The following CPXM2 variants were observed in gnomAD, a reference collection of about 807,000 sequenced individuals.
The protein encoded by CPXM2 is inactive carboxypeptidase-like protein X2.
In CPXM2, 66 loss-of-function variants were observed where a neutral mutation model predicts 86.1. The ratio of observed to expected loss-of-function variants is 0.77; its 90% CI spans 0.63 to 0.94. The LOEUF (loss-of-function observed/expected upper bound fraction) is 0.94, where lower values mean the gene tolerates loss of function less well. Ranked by LOEUF, CPXM2 falls within the 40% of genes least tolerant of loss-of-function variation. The pLI, the probability that CPXM2 is intolerant of heterozygous loss-of-function variation, is 0.00. For missense variants in CPXM2, 948 were observed against 1,026.3 expected, an observed-to-expected ratio of 0.92 and a Z score of 1.04; for synonymous variants, 388 against 400.2, an observed-to-expected ratio of 0.97 and a Z score of 0.36.
At chr10:123,769,034 A>G (rs1206707013) in intron 8 of CPXM2, among the ~76,000 whole-genome samples, 1 of 152,232 alleles carries the variant, frequency 6.6e-6, no homozygotes, top group Non-Finnish European at 1.5e-5. Context: ...AGTTGAGCAC[A>G]AGCCGTAGCA....
intron 4 of CPXM2, among the ~76,000 whole-genome samples, chr10:123,806,752 G>C (rs528942407): frequency 4.7e-4 from 71 of 152,202 alleles, no homozygotes; most frequent in Middle Eastern, 6.8e-3. Context: ...GAGACAGAGA[G>C]AGAGTACAGG....
intron 10 of CPXM2, among the ~76,000 whole-genome samples, chr10:123,763,615 C>T (rs898846107): frequency 6.7e-6 from 1 of 150,044 alleles, no homozygotes; most frequent in Non-Finnish European, 1.5e-5. Flanking sequence ...TTTCTTTTTT[C>T]CTCCCACTTA....
At chr10:123,934,287 C>G (rs1289612951) in intron 2 of CPXM2, among the ~76,000 whole-genome samples, 1 of 152,178 alleles carries the variant, frequency 6.6e-6, no homozygotes, top group Non-Finnish European at 1.5e-5. Flanking sequence ...AGCCAGGAGT[C>G]TGAAATGGCG....
chr10:123,787,996 C>G (rs1847107002), intron 6 of CPXM2, among the ~76,000 whole-genome samples: 1 of 152,048 alleles, frequency 6.6e-6, no homozygotes, highest in Non-Finnish European at 1.5e-5. Context: ...AATGCAAATA[C>G]AGGCTGAGAG....
intron 2 of CPXM2, among the ~76,000 whole-genome samples, chr10:123,908,049 AC>A (rs1238485454): frequency 6.6e-6 from 1 of 152,110 alleles, no homozygotes; most frequent in African/African-American, 2.4e-5. Context: ...TGTGACAAGG[AC>A]CATATTCAGG....
At position 123,747,034 on chromosome 10, in the gene CPXM2, CA is replaced by C; in HGVS notation, c.2018-18del. On this transcript the variant is annotated intron_variant, in intron 13 of 13. Coordinates refer to ENST00000241305, the MANE Select transcript of CPXM2 (RefSeq NM_198148.3). ...CATCGTTGGCTGTGAAAAAGAAAACCAGGGGAGACTCAGAGCAGCTCTTGCT... is the reference window on the plus strand; with the variant it reads ...CATCGTTGGCTGTGAAAAAGAAAACCGGGGAGACTCAGAGCAGCTCTTGCT... 6.2e-7 allele frequency: 1 copy of C among 1,612,850 alleles called. No individual in the cohort carries two copies. Among genetic ancestry groups the C allele is most frequent in the Non-Finnish European group, 8.5e-7 (1 of 1,179,336 alleles).
intron 2 of CPXM2, among the ~76,000 whole-genome samples, chr10:123,863,709 C>A (rs547503740): frequency 6.6e-6 from 1 of 152,290 alleles, no homozygotes; most frequent in East Asian, 1.9e-4. Flanking sequence ...CCTCATAGAA[C>A]CTTCTCATGC....
rs528171326 is a variant in CPXM2 at position 123,803,246 on chromosome 10, T to G, written c.654-4047A>C. Among the ~76,000 whole-genome samples the G allele has an allele frequency of 4.8e-5, 7 of 147,070 alleles. No homozygotes were observed. In the South Asian group the frequency reaches 1.6e-3, roughly 33 times the overall value. On this transcript the variant is annotated intron_variant, in intron 4 of 13. Transcript: ENST00000241305. ...TCCCAAGTGGCTGGGACTACAGGCA[T>G]GCACCACCATACCCAGCTAATCTTT...
intron 4 of CPXM2, among the ~76,000 whole-genome samples, chr10:123,814,814 A>C (rs1465972697): frequency 1.3e-5 from 2 of 152,192 alleles, no homozygotes; most frequent in East Asian, 3.9e-4. Flanking sequence ...ACCTGAGGTC[A>C]GGAGTTCAAG....
intron 1 of CPXM2, among the ~76,000 whole-genome samples, chr10:123,884,307 C>T (rs762050273): frequency 2.3e-4 from 35 of 152,328 alleles, no homozygotes; most frequent in Non-Finnish European, 4.1e-4. Flanking sequence ...ACCACAAACA[C>T]ACCAGATCTG....
chr10:123,750,639 A>C (rs928462174), intron 13 of CPXM2: 3 of 965,712 alleles, frequency 3.1e-6, no homozygotes, highest in Non-Finnish European at 3.7e-6. Context: ...GTACTTTTAG[A>C]GGTCATATTT....
intron 2 of CPXM2, among the ~76,000 whole-genome samples, chr10:123,898,771 T>G (rs1945358382): frequency 6.6e-6 from 1 of 152,216 alleles, no homozygotes; most frequent in African/African-American, 2.4e-5. Flanking sequence ...TAAGATGGAG[T>G]TTCGCTCTTG....
At chr10:123,908,792 A>C (rs144391340) in intron 2 of CPXM2, among the ~76,000 whole-genome samples, 13 of 152,336 alleles carry the variant, frequency 8.5e-5, no homozygotes, top group Non-Finnish European at 1.8e-4. Context: ...GACCTTCTGC[A>C]GTGAAGAAAA....
intron 2 of CPXM2, among the ~76,000 whole-genome samples, chr10:123,937,723 G>T (rs1256851126): frequency 6.6e-6 from 1 of 151,938 alleles, no homozygotes; most frequent in South Asian, 2.1e-4. Context: ...CAAGATTTTT[G>T]AAAGAAAAAA....
chr10:123,828,082 G>A (rs1328182764), intron 4 of CPXM2, among the ~76,000 whole-genome samples: 1 of 152,068 alleles, frequency 6.6e-6, no homozygotes, highest in Non-Finnish European at 1.5e-5. Context: ...GAGTCAGGAA[G>A]ATTGCTTCAG....
chr10:123,808,937 T>C (rs1847635246), intron 4 of CPXM2, among the ~76,000 whole-genome samples: 1 of 152,186 alleles, frequency 6.6e-6, no homozygotes, highest in African/African-American at 2.4e-5. Context: ...TTCTACAGAC[T>C]GTAGTAACTT....
intron 2 of CPXM2, among the ~76,000 whole-genome samples, chr10:123,875,833 G>C (rs1417848577): frequency 1.7e-5 from 1 of 58,342 alleles, no homozygotes; most frequent in Non-Finnish European, 3.7e-5. Context: ...TTTTTTTTTG[G>C]TGGGACAGAG....
chr10:123,829,042 A>C (rs1848105721), intron 4 of CPXM2, among the ~76,000 whole-genome samples: 1 of 152,234 alleles, frequency 6.6e-6, no homozygotes, highest in Admixed American at 6.5e-5. Flanking sequence ...AAACAATGCA[A>C]CTAGAACATG....
intron 1 of CPXM2, among the ~76,000 whole-genome samples, chr10:123,883,136 G>GGT (rs1416043664): frequency 6.6e-6 from 1 of 152,192 alleles, no homozygotes; most frequent in Admixed American, 6.5e-5. Flanking sequence ...CTCAGCTCTG[G>GGT]GACTCCAGTG....
Sources: allele counts gnomAD v4.1 joint callset (sites outside exome capture counted in the v4.1 genomes callset), GRCh38; gene constraint gnomAD v4.1.1; transcripts MANE v1.5; gene names NCBI Gene and HGNC (gene_info 2026-07-23, HGNC 2026-07-21).